The following PTPRG variants were observed in gnomAD, a reference collection of about 807,000 sequenced individuals.
The protein encoded by PTPRG is receptor-type tyrosine-protein phosphatase gamma.
Under a neutral mutation model 165.3 loss-of-function variants are expected in PTPRG, and 102 were observed. The observed-to-expected ratio is 0.62, with a 90% CI of 0.53 to 0.73. PTPRG has a LOEUF of 0.73. Among genes scored for constraint, PTPRG ranks in the 30% least tolerant of loss-of-function variants. The pLI is 0.00. For synonymous variants in PTPRG, 675 were observed against 669.5 expected, an observed-to-expected ratio of 1.01 and a Z score of -0.13; for missense variants, 1,866 against 1,861.4, an observed-to-expected ratio of 1.00 and a Z score of -0.05.
In PTPRG at chr3:62,203,991, G is replaced by A. The variant is rs1265086130; in HGVS notation, c.2155+41G>A. On this transcript the variant is annotated intron_variant, in intron 12 of 29. Coordinates refer to ENST00000474889, the MANE Select transcript of PTPRG (RefSeq NM_002841.4). The surrounding 1 kb of genome is among the most constrained non-coding windows in gnomAD (Gnocchi z 6.4). ...CTTCTTCGAGGGTTCCTGCTCCTGT[G>A]AATAGTCGTACCCTTTTTCAAAAAA... 6.6e-7 allele frequency: 1 copy of A among 1,514,172 alleles called. No homozygotes were observed. The highest frequency in any genetic ancestry group is 8.8e-7 in the Non-Finnish European group (1 of 1,130,794). The allele number at this position is 1,514,172 out of a possible 1,614,324, so 93.8% of individuals were successfully genotyped here.
At chr3:61,789,777 T>C (rs1172627825) in intron 2 of PTPRG, among the ~76,000 whole-genome samples, 5 of 152,234 alleles carry the variant, frequency 3.3e-5, no homozygotes, top group Non-Finnish European at 7.3e-5. Context: ...AATGATAACT[T>C]ACTGCTTTGG....
intron 26 of PTPRG, among the ~76,000 whole-genome samples, chr3:62,279,493 T>TTA: frequency 6.6e-6 from 1 of 152,236 alleles, no homozygotes; most frequent in South Asian, 2.1e-4. Context: ...GATCTGGAAA[T>TTA]TAAGGTTCAG....
chr3:61,954,816 A>G (rs990357361), intron 2 of PTPRG, among the ~76,000 whole-genome samples: 7 of 152,268 alleles, frequency 4.6e-5, no homozygotes, highest in African/African-American at 9.6e-5. Context: ...GAATATCTCA[A>G]TGAGATGTGG....
intron 1 of PTPRG, among the ~76,000 whole-genome samples, chr3:61,694,056 T>G (rs936024245): frequency 1.3e-5 from 2 of 149,182 alleles, no homozygotes; most frequent in South Asian, 4.3e-4. Flanking sequence ...AAGCAAGGCT[T>G]TAAAAAGTAG....
intron 2 of PTPRG, among the ~76,000 whole-genome samples, chr3:61,888,040 AG>A (rs1293479165): frequency 6.6e-6 from 1 of 152,192 alleles, no homozygotes; most frequent in East Asian, 1.9e-4. Context: ...GCGCTAAAAT[AG>A]GTATTATGTG....
chr3:62,200,235 A>G (rs114238992), intron 10 of PTPRG, among the ~76,000 whole-genome samples: 1 of 152,086 alleles, frequency 6.6e-6, no homozygotes, highest in Non-Finnish European at 1.5e-5. Flanking sequence ...CATGGTTAAG[A>G]TAGTAATTAT....
At chr3:61,604,380 G>A (rs1345884785) in intron 1 of PTPRG, among the ~76,000 whole-genome samples, 2 of 152,104 alleles carry the variant, frequency 1.3e-5, no homozygotes, top group Admixed American at 6.5e-5. Context: ...ATGGTGACGG[G>A]AGGTTGTAAT....
chr3:61,612,775 T>A (rs558703728), intron 1 of PTPRG, among the ~76,000 whole-genome samples: 2 of 152,206 alleles, frequency 1.3e-5, no homozygotes, highest in South Asian at 4.1e-4. Context: ...AGGTTGTAAA[T>A]CATGTGAGAG....
intron 2 of PTPRG, among the ~76,000 whole-genome samples, chr3:61,894,313 A>AAAAAAAAAAAAAAAAAAAAAG: frequency 1.7e-5 from 2 of 115,860 alleles, no homozygotes; most frequent in African/African-American, 8.1e-5. Context: ...AAAAAAAAAA[A>AAAAAAAAAAAAAAAAAAAAAG]AAAAAAAAAA....
At position 62,111,130 on chromosome 3, in the gene PTPRG, A is replaced by T. The variant is rs192659057; in HGVS notation, c.616-21472A>T. Among the ~76,000 whole-genome samples the T allele has an allele frequency of 3.4e-4, 52 of 152,334 alleles. 1 individual carries two copies. The highest frequency in any genetic ancestry group is 3.4e-3 in the Admixed American group (52 of 15,300). On this transcript the variant is annotated intron_variant, in intron 5 of 29. Coordinates refer to ENST00000474889, the MANE Select transcript of PTPRG (RefSeq NM_002841.4). ...TGTATGGAATAATATTTAAGATGTTATTATGCCAGAATTGTTGTAGTGAGT... is the reference window on the plus strand; with the variant it reads ...TGTATGGAATAATATTTAAGATGTTTTTATGCCAGAATTGTTGTAGTGAGT...
intron 2 of PTPRG, among the ~76,000 whole-genome samples, chr3:61,844,791 C>G (rs2036759674): frequency 1.3e-5 from 2 of 152,076 alleles, no homozygotes; most frequent in Admixed American, 1.3e-4. Flanking sequence ...GCATGAGCCA[C>G]CACACCTGGC....
chr3:61,820,549 T>C (rs2035919719), intron 2 of PTPRG, among the ~76,000 whole-genome samples: 1 of 149,134 alleles, frequency 6.7e-6, no homozygotes, highest in Non-Finnish European at 1.5e-5. Flanking sequence ...CACACAGAAA[T>C]ACCCATCATC....
intron 1 of PTPRG, among the ~76,000 whole-genome samples, chr3:61,714,935 G>T (rs555024653): frequency 6.6e-6 from 1 of 152,250 alleles, no homozygotes; most frequent in South Asian, 2.1e-4. Context: ...CTTTGCAAGA[G>T]TCACTTTGGA....
chr3:61,927,970 A>T (rs995201129), intron 2 of PTPRG, among the ~76,000 whole-genome samples: 4 of 152,110 alleles, frequency 2.6e-5, no homozygotes, highest in Non-Finnish European at 4.4e-5. Flanking sequence ...GTGGTCAGAA[A>T]GCCATCTGTA....
chr3:61,583,783 G>A (rs1700364085), intron 1 of PTPRG, among the ~76,000 whole-genome samples: 1 of 152,164 alleles, frequency 6.6e-6, no homozygotes, highest in East Asian at 1.9e-4. Context: ...GAAGCTCAGA[G>A]CCACTCTGAT....
intron 3 of PTPRG, among the ~76,000 whole-genome samples, chr3:62,003,054 C>T (rs914054567): frequency 3.3e-5 from 5 of 151,810 alleles, no homozygotes; most frequent in South Asian, 2.1e-4. Flanking sequence ...TGATTCAGAG[C>T]GACTTTTTCT....
chr3:61,946,217 A>G (rs779230426), intron 2 of PTPRG, among the ~76,000 whole-genome samples: 14 of 152,174 alleles, frequency 9.2e-5, no homozygotes, highest in Non-Finnish European at 2.1e-4. Context: ...ATAAAATCAC[A>G]CTGGATAATT....
intron 1 of PTPRG, among the ~76,000 whole-genome samples, chr3:61,717,192 T>G (rs2031846033): frequency 6.6e-6 from 1 of 152,218 alleles, no homozygotes; most frequent in Non-Finnish European, 1.5e-5. Flanking sequence ...CTGCCTTGTG[T>G]GGTTAGTCTC....
intron 1 of PTPRG, among the ~76,000 whole-genome samples, chr3:61,723,398 T>C (rs1467557532): frequency 6.6e-6 from 1 of 152,110 alleles, no homozygotes; most frequent in African/African-American, 2.4e-5. Context: ...GGTATTACCA[T>C]TATAAATAGG....
Sources: allele counts gnomAD v4.1 joint callset (sites outside exome capture counted in the v4.1 genomes callset), GRCh38; gene constraint gnomAD v4.1.1; non-coding constraint Gnocchi (gnomAD v3.1); transcripts MANE v1.5; gene names NCBI Gene and HGNC (gene_info 2026-07-23, HGNC 2026-07-21).